EPB41L4B: variants seen among roughly 807,000 people sequenced by gnomAD.
EPB41L4B encodes the protein band 4.1-like protein 4B.
In EPB41L4B, 30 loss-of-function variants were observed where a neutral mutation model predicts 112.5. That is an observed-to-expected ratio of 0.27 (90% confidence interval 0.20 to 0.36). The LOEUF (loss-of-function observed/expected upper bound fraction) is 0.36. EPB41L4B is among the 10% of genes least tolerant of loss of function. EPB41L4B has a pLI of 1.00. For missense variants in EPB41L4B, 1,024 were observed against 1,133.3 expected (o/e 0.90, Z 1.38); for synonymous variants, 408 against 439.7 (o/e 0.93, Z 0.90).
At chr9:109,185,451 T>G in intron 23 of EPB41L4B, 38 bp downstream of exon 23, 2 of 1,588,184 alleles carry the variant, frequency 1.3e-6, no homozygotes, top group Non-Finnish European at 1.7e-6. Flanking sequence ...CCACCTCACC[T>G]CTCCTGGCCA....
intron 7 of EPB41L4B, among the ~76,000 whole-genome samples, chr9:109,257,763 G>C (rs1835036670): frequency 6.6e-6 from 1 of 152,206 alleles, no homozygotes; most frequent in African/African-American, 2.4e-5. Flanking sequence ...GGGAGGCTGA[G>C]GTGGGACAAT....
intron 15 of EPB41L4B, among the ~76,000 whole-genome samples, chr9:109,230,350 C>CA (rs1186235591): frequency 1.3e-5 from 2 of 152,108 alleles, no homozygotes; most frequent in East Asian, 3.8e-4. Context: ...AATCTAATGA[C>CA]AAAAAAGGAA....
chr9:109,240,719 T>C (rs1346089776), intron 15 of EPB41L4B: 3 of 985,334 alleles, frequency 3.0e-6, no homozygotes, highest in Non-Finnish European at 3.6e-6. Flanking sequence ...GAAAACCTTA[T>C]ATGCTTTCAT....
In EPB41L4B at chr9:109,182,795, T is replaced by A. The variant is rs774072625; in HGVS notation, c.2421A>T (p.Ile807=). ...CMYPPIKTRL[I]KTFPVDTMNP... ...TCATTGTATCAACCGGGAATGTTTT[T>A]ATCTTCAAAAGAGAGAAAGACAAGG... The change falls in exon 24 of 26, where the codon ATA becomes ATT. Residue 807 remains isoleucine, a splice_region_variant and synonymous_variant. Coordinates refer to ENST00000374566, the MANE Select transcript of EPB41L4B (RefSeq NM_019114.5). The A allele has an allele frequency of 6.2e-7, 1 of 1,610,316 alleles. No individual in the cohort carries two copies. The highest frequency in any genetic ancestry group is 8.5e-7 in the Non-Finnish European group (1 of 1,176,506).
chr9:109,258,640 G>A (rs1055045137), intron 6 of EPB41L4B, among the ~76,000 whole-genome samples: 1 of 152,340 alleles, frequency 6.6e-6, no homozygotes. Context: ...CAGGGAATGA[G>A]GATCTGCCCA....
chr9:109,194,122 T>G (rs1259189894), intron 21 of EPB41L4B, 98 bp downstream of exon 21: 4 of 1,369,132 alleles, frequency 2.9e-6, no homozygotes, highest in Non-Finnish European at 4.0e-6. Flanking sequence ...CAATTGATTA[T>G]GCAAAATTTA....
intron 15 of EPB41L4B, among the ~76,000 whole-genome samples, chr9:109,221,297 T>C (rs12554581): frequency 0.38 from 58,255 of 152,002 alleles, 11,469 homozygotes; most frequent in East Asian, 0.49. Flanking sequence ...CAGCTAGGAT[T>C]TGACGACAGG....
rs1302905887 is a variant in EPB41L4B at position 109,173,662 on chromosome 9, G to A, written c.*892C>T. ...ATGTGTGTATTCATTGAGAAAGCTA[G>A]GGAACTAATTTAGAGGGATATTTTG... On this transcript the variant is annotated 3_prime_UTR_variant, in exon 26 of 26. Transcript: ENST00000374566. The A allele has an allele frequency of 6.6e-6, 1 of 152,538 alleles. No homozygotes were observed. Among genetic ancestry groups the A allele is most frequent in the Non-Finnish European group, 1.5e-5 (1 of 68,008 alleles). 9.4% of individuals were successfully genotyped at this position (152,538 alleles called of 1,614,324 possible). A position where few individuals can be genotyped will look rare whatever the true frequency, so the allele number is the denominator to read the frequency against.
rs571990809 is a variant in EPB41L4B at position 109,251,804 on chromosome 9, GA to G, written c.1280-294del. Among the ~76,000 whole-genome samples the G allele has an allele frequency of 2.2e-4, 34 of 152,312 alleles. No individual in the cohort carries two copies. In the South Asian group the frequency reaches 6.6e-3, roughly 30 times the overall value. On this transcript the variant is annotated intron_variant, in intron 12 of 25. Transcript: ENST00000374566. ...AAGAAGTTCCCTGTCTAGAGACAGA[GA>G]AAGGCAGATACAGAGAAGTGGGTAA...
At chr9:109,314,408 T>G (rs1002467464) in intron 1 of EPB41L4B, among the ~76,000 whole-genome samples, 16 of 152,170 alleles carry the variant, frequency 1.1e-4, no homozygotes, top group Non-Finnish European at 1.9e-4. Context: ...TTCAATGAGA[T>G]TATGCACGTG....
chr9:109,178,832 G>A (rs993227516), intron 24 of EPB41L4B, among the ~76,000 whole-genome samples: 31 of 142,502 alleles, frequency 2.2e-4, no homozygotes, highest in Admixed American at 1.6e-3. Context: ...CAGGGCCTTG[G>A]CATGAATTGA....
At chr9:109,314,131 T>C (rs754403745) in intron 1 of EPB41L4B, among the ~76,000 whole-genome samples, 4 of 152,160 alleles carry the variant, frequency 2.6e-5, no homozygotes, top group Non-Finnish European at 4.4e-5. Flanking sequence ...CAGTTCCCAC[T>C]GGAGGAGAAG....
chr9:109,213,071 G>A (rs1301734041), intron 17 of EPB41L4B, among the ~76,000 whole-genome samples: 2 of 152,160 alleles, frequency 1.3e-5, no homozygotes, highest in Non-Finnish European at 2.9e-5. Context: ...CTCTTCTTCT[G>A]GTCTGAGACA....
chr9:109,202,197 G>T (rs1302862490), intron 19 of EPB41L4B, among the ~76,000 whole-genome samples: 1 of 152,170 alleles, frequency 6.6e-6, no homozygotes, highest in Non-Finnish European at 1.5e-5. Context: ...GAAGGTTAGT[G>T]GGGTGGAGTG....
At chr9:109,212,427 A>T (rs1833214564) in intron 17 of EPB41L4B, among the ~76,000 whole-genome samples, 1 of 152,200 alleles carries the variant, frequency 6.6e-6, no homozygotes, top group Non-Finnish European at 1.5e-5. Flanking sequence ...GCCATCCTGC[A>T]GGAGGAATTC....
Position 109,272,701 on chromosome 9 carries a change from C to T in EPB41L4B, c.412-4268G>A, listed in dbSNP as rs180703032. On this transcript the variant is annotated intron_variant, in intron 2 of 25. Coordinates refer to ENST00000374566, the MANE Select transcript of EPB41L4B (RefSeq NM_019114.5). The stretch of plus-strand genomic sequence containing the variant: ...CAGGAAGGCAGAGGTTGTAGTGGGC[C>T]GAGATCACACCACTGTACTCCAGCC... 6.0e-5 allele frequency among the ~76,000 whole-genome samples: 9 copies of T among 148,806 alleles called. No homozygotes were observed. The East Asian group carries it at 1.2e-3, about 20-fold the overall frequency.
At chr9:109,316,800 A>G (rs1302258377) in intron 1 of EPB41L4B, among the ~76,000 whole-genome samples, 1 of 152,182 alleles carries the variant, frequency 6.6e-6, no homozygotes, top group African/African-American at 2.4e-5. Context: ...TATCCATAGC[A>G]AAGACTAAGA....
In EPB41L4B at chr9:109,255,508, T is replaced by C. The variant is rs1051612873; in HGVS notation, c.1169+3A>G. Reference sequence around the variant, plus strand: ...GATCCGTGTTGCAGAAATGGCTCCCTACCTGAATCTGAAGCGAGAGCCCAG... The same window carrying C: ...GATCCGTGTTGCAGAAATGGCTCCCCACCTGAATCTGAAGCGAGAGCCCAG... On this transcript the variant is annotated splice_donor_region_variant and intron_variant, in intron 11 of 25. Coordinates refer to ENST00000374566, the MANE Select transcript of EPB41L4B (RefSeq NM_019114.5). The C allele has an allele frequency of 3.1e-6, 5 of 1,613,780 alleles. No individual in the cohort carries two copies. The African/African-American group carries it at 6.7e-5, about 22-fold the overall frequency.
intron 17 of EPB41L4B, among the ~76,000 whole-genome samples, chr9:109,208,964 G>A (rs1052935084): frequency 6.6e-6 from 1 of 152,168 alleles, no homozygotes. Context: ...TATTAGAAGA[G>A]ACGTGTTTAA....
Sources: allele counts gnomAD v4.1 joint callset (sites outside exome capture counted in the v4.1 genomes callset), GRCh38; gene constraint gnomAD v4.1.1; transcripts MANE v1.5; gene names NCBI Gene and HGNC (gene_info 2026-07-23, HGNC 2026-07-21).